Variants in BAIAP2 observed in about 807,000 individuals in gnomAD.
BAIAP2 encodes BAR/IMD domain containing adaptor protein 2, also known as BAR/IMD domain-containing adapter protein 2.
A neutral mutation model predicts 63.0 loss-of-function variants in BAIAP2; 18 were observed. That is an observed-to-expected ratio of 0.29 (90% CI 0.20 to 0.42). The LOEUF (loss-of-function observed/expected upper bound fraction) is 0.42. Ranked by LOEUF, BAIAP2 falls within the 10% of genes least tolerant of loss-of-function variation. The probability of loss-of-function intolerance (pLI) is 1.00; values close to 1 mark genes in which losing one functional copy is unlikely to be tolerated. For synonymous variants in BAIAP2, 386 were observed against 307.6 expected (o/e 1.25, Z -2.67); for missense variants, 610 against 734.3 (o/e 0.83, Z 1.96).
rs537930866 is a variant in BAIAP2 at position 81,041,831 on chromosome 17, C to T, written c.54+6523C>T. Among the ~76,000 whole-genome samples the T allele has an allele frequency of 8.5e-5, 13 of 152,354 alleles. 1 individual carries two copies. Among genetic ancestry groups the T allele is most frequent in the Middle Eastern group, 3.4e-3 (1 of 294 alleles). ...AGGTGATCCACCCACCTCGGGCTCC[C>T]AAAGTGCTGGGATTACAGGCATGAG... On this transcript the variant is annotated intron_variant, in intron 1 of 13. Coordinates refer to ENST00000428708, the MANE Select transcript of BAIAP2 (RefSeq NM_001144888.2).
At chr17:81,110,484 C>T in intron 13 of BAIAP2, 3 of 1,022,544 alleles carry the variant, frequency 2.9e-6, no homozygotes, top group Non-Finnish European at 3.5e-6. Context: ...ACTGCAGTTA[C>T]TTGTTTGAAT....
At chr17:81,098,832 TGG>T (rs1054869529) in intron 6 of BAIAP2, among the ~76,000 whole-genome samples, 8 of 152,184 alleles carry the variant, frequency 5.3e-5, no homozygotes, top group Non-Finnish European at 1.0e-4. Flanking sequence ...CGGGTCAGGG[TGG>T]GGACCGCCTG....
rs760374560 is a variant in BAIAP2 at position 81,103,715 on chromosome 17, T to C, written c.856T>C (p.Phe286Leu). Residue 286 changes from phenylalanine to leucine, a missense_variant, in exon 8 of 14, where the codon TTC becomes CTC. Around this residue, in one of 5 missense-constraint regions of BAIAP2, gnomAD observed 389 missense variants for 455.6 expected, o/e 0.85. Coordinates refer to ENST00000428708, the MANE Select transcript of BAIAP2 (RefSeq NM_001144888.2). Reference protein sequence around the residue: ...PLPVPPELAPFVGRMSAQEST... With the variant: ...PLPVPPELAPLVGRMSAQEST... ...GCCGGTGCCCCCCGAGCTGGCACCG[T>C]TCGTGGGGGTGAGTCTGTGGCCTCT... 6.3e-7 allele frequency: 1 copy of C among 1,592,740 alleles called. No individual in the cohort carries two copies. The highest frequency in any genetic ancestry group is 1.1e-5 in the South Asian group (1 of 90,388).
chr17:81,038,973 C>T (rs1285565124), intron 1 of BAIAP2, among the ~76,000 whole-genome samples: 1 of 152,214 alleles, frequency 6.6e-6, no homozygotes, highest in African/African-American at 2.4e-5. Flanking sequence ...TGCGCGTGTA[C>T]ATGTGTATGT....
intron 12 of BAIAP2, chr17:81,107,232 G>A: frequency 6.5e-6 from 2 of 310,070 alleles, no homozygotes; most frequent in Non-Finnish European, 1.2e-5. Context: ...GGCTGGCCTA[G>A]AGGTGGGCCT....
At chr17:81,039,295 T>A (rs1216889776) in intron 1 of BAIAP2, among the ~76,000 whole-genome samples, 1 of 152,244 alleles carries the variant, frequency 6.6e-6, no homozygotes, top group Non-Finnish European at 1.5e-5. Flanking sequence ...CCCCAGGCAC[T>A]GTCCTGCCGG....
chr17:81,079,634 A>G (rs1446096865), intron 3 of BAIAP2, among the ~76,000 whole-genome samples: 1 of 152,072 alleles, frequency 6.6e-6, no homozygotes, highest in Non-Finnish European at 1.5e-5. Flanking sequence ...TCCCACACCT[A>G]CATCCTGAGG....
chr17:81,077,546 T>G (rs1286278467), intron 3 of BAIAP2, among the ~76,000 whole-genome samples: 1 of 138,542 alleles, frequency 7.2e-6, no homozygotes, highest in Non-Finnish European at 1.5e-5. Context: ...TCAGCCTGGG[T>G]GACAGAGACT....
chr17:81,108,430 C>A, intron 12 of BAIAP2, 45 bp from the exon 13 acceptor site: 1 of 1,608,230 alleles, frequency 6.2e-7, no homozygotes, highest in East Asian at 2.2e-5. Flanking sequence ...GGGGTGACCA[C>A]AGGCCCCGTC....
chr17:81,082,261 C>T (rs1015594257), intron 3 of BAIAP2, among the ~76,000 whole-genome samples: 1 of 152,210 alleles, frequency 6.6e-6, no homozygotes, highest in East Asian at 1.9e-4. Flanking sequence ...GTACGGTTCA[C>T]GCTTGTGCGT....
At chr17:81,108,809 T>TGCCCCAATC in intron 13 of BAIAP2, 2 of 1,214,666 alleles carry the variant, frequency 1.6e-6, no homozygotes, top group Non-Finnish European at 2.2e-6. Context: ...CAGCCTCCTC[T>TGCCCCAATC]GCCCCAATCT....
At position 81,116,942 on chromosome 17, in the gene BAIAP2, T is replaced by TCAA. The variant is rs1238576941; in HGVS notation, c.*1105_*1107dup. 1.3e-5 allele frequency: 2 copies of TCAA among 152,542 alleles called. No individual in the cohort carries two copies. The highest frequency in any genetic ancestry group is 2.9e-5 in the Non-Finnish European group (2 of 68,314). 9.4% of individuals were successfully genotyped at this position (152,542 alleles called of 1,614,324 possible). A position where few individuals can be genotyped will look rare whatever the true frequency, so the allele number is the denominator to read the frequency against. On this transcript the variant is annotated 3_prime_UTR_variant, in exon 14 of 14. Transcript: ENST00000428708. ...AGGGTGCAGGGAAGCCCAGCTGTGC[T>TCAA]CAACTCTCCTGCCTCCGCCTTCCAC...
chr17:81,086,480 A>G lies in BAIAP2; in HGVS notation c.389A>G (p.Lys130Arg), dbSNP rs561571272. 30 of 1,614,070 alleles carry G rather than the reference A, an allele frequency of 1.9e-5. No homozygotes were observed. The South Asian group carries it at 3.0e-4, about 16-fold the overall frequency. Reference sequence around the variant, plus strand: ...AAATACCAGACTGAGCAAAGGAGCAAAGGCGACGCCCTGGACAAGTGTCAG... The same window carrying G: ...AAATACCAGACTGAGCAAAGGAGCAGAGGCGACGCCCTGGACAAGTGTCAG... ...LKKYQTEQRSKGDALDKCQAE... is the reference protein window; with the variant it reads ...LKKYQTEQRSRGDALDKCQAE... Residue 130 changes from lysine to arginine, a missense_variant, in exon 6 of 14, where the codon AAA becomes AGA. By Grantham distance (26) the Lys-to-Arg change is conservative. Coordinates refer to ENST00000428708, the MANE Select transcript of BAIAP2 (RefSeq NM_001144888.2).
intron 7 of BAIAP2, among the ~76,000 whole-genome samples, chr17:81,102,944 TTCC>T (rs1334694944): frequency 8.5e-5 from 13 of 152,220 alleles, no homozygotes; most frequent in Non-Finnish European, 1.5e-4. Flanking sequence ...TGCCTGTGGC[TTCC>T]TCCTCCTTTG....
At chr17:81,110,865 G>A (rs1211405496) in intron 13 of BAIAP2, 2 of 1,612,296 alleles carry the variant, frequency 1.2e-6, no homozygotes, top group Non-Finnish European at 1.7e-6. Context: ...GCACCCCCGA[G>A]TCCTCAGACC....
chr17:81,058,879 C>T (rs962852912), intron 3 of BAIAP2, among the ~76,000 whole-genome samples: 2 of 152,148 alleles, frequency 1.3e-5, no homozygotes, highest in African/African-American at 4.8e-5. Flanking sequence ...TGAAAGCCCC[C>T]TTGACTGACA....
At chr17:81,084,684 C>T (rs2055255516) in intron 3 of BAIAP2, 148 bp from the exon 4 acceptor site, 3 of 724,662 alleles carry the variant, frequency 4.1e-6, no homozygotes, top group South Asian at 1.6e-5. Context: ...GTCCCCTCTC[C>T]GCCCTCCCTT....
rs778509649 is a variant in BAIAP2, at chr17:81,061,039, G to A, written c.217+3072G>A. On this transcript the variant is annotated intron_variant, in intron 3 of 13. Transcript: ENST00000428708. ...CTAGGGAGGCTGAGACAGGAGAATC[G>A]CTTGAACCTGGGAGGCGGAGGTTGC... is the stretch of plus-strand genomic sequence containing the variant. Among the ~76,000 whole-genome samples, 137 of 152,310 alleles carry A rather than the reference G, an allele frequency of 9.0e-4. 1 individual carries two copies. Among genetic ancestry groups the A allele is most frequent in the Admixed American group, 5.0e-3 (76 of 15,302 alleles).
intron 1 of BAIAP2, among the ~76,000 whole-genome samples, chr17:81,051,514 C>T (rs112132772): frequency 0.029 from 4,433 of 152,214 alleles, 223 homozygotes; most frequent in African/African-American, 0.1. Context: ...ATTCTCCTGC[C>T]TCAGGCTCCC....
Sources: gnomAD v4.1 joint callset for allele counts (sites outside exome capture counted in the v4.1 genomes callset) on GRCh38, gnomAD v4.1.1 for gene constraint, gnomAD v4.1.1 regional missense constraint, MANE v1.5 for transcripts, NCBI Gene and HGNC (gene_info 2026-07-23, HGNC 2026-07-21) for gene names.